CADM2: variants seen among roughly 807,000 people sequenced by gnomAD.
CADM2 encodes cell adhesion molecule 2.
CADM2 carries 12 observed loss-of-function variants against 49.8 expected under a neutral mutation model. The ratio of observed to expected loss-of-function variants is 0.24; its 90% confidence interval spans 0.15 to 0.39. CADM2 has a LOEUF of 0.39. Ranked by LOEUF, CADM2 falls within the 10% of genes least tolerant of loss-of-function variation. CADM2 has a pLI of 1.00. For synonymous variants in CADM2, 214 were observed against 175.4 expected (o/e 1.22, Z -1.74); for missense variants, 378 against 492.3 (o/e 0.77, Z 2.20).
intron 5 of CADM2, among the ~76,000 whole-genome samples, chr3:85,907,507 C>A (rs2108466566): frequency 6.6e-6 from 1 of 152,168 alleles, no homozygotes; most frequent in Non-Finnish European, 1.5e-5. Context: ...TGCCTTGTTC[C>A]CAGTGTGGTC....
chr3:85,099,732 A>G (rs1033796966), intron 1 of CADM2, among the ~76,000 whole-genome samples: 1 of 152,222 alleles, frequency 6.6e-6, no homozygotes, highest in Non-Finnish European at 1.5e-5. Flanking sequence ...AGCCTCCCAA[A>G]GTGCTGGGAT....
At chr3:85,160,431 A>T (rs1343145569) in intron 1 of CADM2, among the ~76,000 whole-genome samples, 1 of 152,208 alleles carries the variant, frequency 6.6e-6, no homozygotes, top group Non-Finnish European at 1.5e-5. Flanking sequence ...ACTGGTTTAT[A>T]AAGTGCACAG....
intron 1 of CADM2, among the ~76,000 whole-genome samples, chr3:85,378,780 C>T (rs2033734285): frequency 6.6e-6 from 1 of 151,842 alleles, no homozygotes; most frequent in Non-Finnish European, 1.5e-5. Context: ...ACAGTGTACA[C>T]TGCTTGGCTG....
At chr3:85,745,910 C>G (rs576942523) in intron 2 of CADM2, among the ~76,000 whole-genome samples, 3 of 151,804 alleles carry the variant, frequency 2.0e-5, no homozygotes, top group African/African-American at 7.2e-5. Flanking sequence ...CTCCATGGTC[C>G]ATTTATTTTT....
At chr3:85,303,118 A>C (rs1028467683) in intron 1 of CADM2, among the ~76,000 whole-genome samples, 1 of 151,786 alleles carries the variant, frequency 6.6e-6, no homozygotes, top group Non-Finnish European at 1.5e-5. Context: ...TGTGGGTGTA[A>C]AAGCACTTTT....
chr3:85,313,419 T>C (rs2044392150), intron 1 of CADM2, among the ~76,000 whole-genome samples: 1 of 152,220 alleles, frequency 6.6e-6, no homozygotes. Flanking sequence ...TCCAGACTCA[T>C]TGCTTTTCTC....
At chr3:85,505,893 T>G (rs956701665) in intron 1 of CADM2, among the ~76,000 whole-genome samples, 1 of 152,136 alleles carries the variant, frequency 6.6e-6, no homozygotes, top group Non-Finnish European at 1.5e-5. Context: ...TGTTTTTGGG[T>G]TTTTTTGGTA....
intron 3 of CADM2, among the ~76,000 whole-genome samples, chr3:85,809,790 C>CTCTCTT (rs1553690315): frequency 0.025 from 2,437 of 98,938 alleles, 313 homozygotes; most frequent in East Asian, 0.12. Context: ...CTCTCTCTCT[C>CTCTCTT]TCTTTCTTTC....
intron 8 of CADM2, among the ~76,000 whole-genome samples, chr3:86,046,028 T>C (rs1736635409): frequency 6.6e-6 from 1 of 152,128 alleles, no homozygotes. Flanking sequence ...TCCAGTTGGA[T>C]GCAAAGAATG....
rs1456812391 is a variant in CADM2 at position 85,693,437 on chromosome 3, G to T, written c.62-33085G>T. ...CTACTAAAAATACAAAAAATTAGCC[G>T]GGCGCAGTGGCGGGCGCCTGTAGTC... On this transcript the variant is annotated intron_variant, in intron 1 of 9. Coordinates refer to ENST00000383699, the MANE Select transcript of CADM2 (RefSeq NM_001167675.2). Among the ~76,000 whole-genome samples the T allele has an allele frequency of 2.7e-5, 4 of 150,532 alleles. No homozygotes were observed. In the East Asian group the frequency reaches 6.0e-4, roughly 22 times the overall value.
At chr3:85,402,580 T>C (rs2035169093) in intron 1 of CADM2, among the ~76,000 whole-genome samples, 1 of 152,152 alleles carries the variant, frequency 6.6e-6, no homozygotes, top group Non-Finnish European at 1.5e-5. Flanking sequence ...ATCCATCAAT[T>C]TGTTATTAAG....
chr3:85,749,209 CA>C (rs1016637828), intron 2 of CADM2, among the ~76,000 whole-genome samples: 1 of 151,604 alleles, frequency 6.6e-6, no homozygotes, highest in African/African-American at 2.4e-5. Flanking sequence ...AGAACAACAA[CA>C]AAAAACTGAT....
intron 1 of CADM2, among the ~76,000 whole-genome samples, chr3:85,474,184 G>T (rs570502147): frequency 6.6e-6 from 1 of 151,858 alleles, no homozygotes; most frequent in African/African-American, 2.4e-5. Flanking sequence ...TTGTGTTTAT[G>T]TGTGTGTAGT....
At chr3:85,138,295 T>C (rs1014541237) in intron 1 of CADM2, among the ~76,000 whole-genome samples, 1 of 152,246 alleles carries the variant, frequency 6.6e-6, no homozygotes, top group South Asian at 2.1e-4. Flanking sequence ...TTCTCAAGAA[T>C]GGGAAAGGTG....
chr3:85,638,522 G>A (rs956266759), intron 1 of CADM2, among the ~76,000 whole-genome samples: 1 of 152,018 alleles, frequency 6.6e-6, no homozygotes, highest in African/African-American at 2.4e-5. Flanking sequence ...AACAGAACTA[G>A]TTATAAGAAA....
intron 1 of CADM2, among the ~76,000 whole-genome samples, chr3:85,485,546 A>C (rs140283317): frequency 1.9e-3 from 285 of 152,204 alleles, no homozygotes; most frequent in African/African-American, 6.7e-3. Context: ...AGTCTGCCAC[A>C]GTTATTTGAG....
chr3:85,551,180 C>A (rs1214946841), intron 1 of CADM2, among the ~76,000 whole-genome samples: 1 of 152,102 alleles, frequency 6.6e-6, no homozygotes, highest in South Asian at 2.1e-4. Flanking sequence ...CGAGGTTTCT[C>A]TATGTTGCCC....
In CADM2 at chr3:85,245,164, G is replaced by T. The variant is rs145187166; in HGVS notation, c.61+285496G>T. 4.7e-3 allele frequency among the ~76,000 whole-genome samples: 711 copies of T among 152,214 alleles called. 7 individuals are homozygous for T. Among genetic ancestry groups the T allele is most frequent in the African/African-American group, 0.017 (689 of 41,538 alleles). On this transcript the variant is annotated intron_variant, in intron 1 of 9. Coordinates refer to ENST00000383699, the MANE Select transcript of CADM2 (RefSeq NM_001167675.2). Reference sequence around the variant, plus strand: ...AAAGACCCCAGTATGATTTTCATAAGTCTGGATGAGTGCTCTGTGGATTCA... The same window carrying T: ...AAAGACCCCAGTATGATTTTCATAATTCTGGATGAGTGCTCTGTGGATTCA...
At chr3:85,687,966 C>G (rs568794236) in intron 1 of CADM2, among the ~76,000 whole-genome samples, 1 of 152,162 alleles carries the variant, frequency 6.6e-6, no homozygotes, top group Non-Finnish European at 1.5e-5. Context: ...TTGTGAACTG[C>G]GCATTCCAGG....
Sources: allele counts gnomAD v4.1 joint callset (sites outside exome capture counted in the v4.1 genomes callset), GRCh38; gene constraint gnomAD v4.1.1; transcripts MANE v1.5; gene names NCBI Gene and HGNC (gene_info 2026-07-23, HGNC 2026-07-21).